KIAA1958: variants seen among roughly 807,000 people sequenced by gnomAD.
KIAA1958 encodes the protein uncharacterized protein KIAA1958.
KIAA1958 carries 14 observed loss-of-function variants against 47.2 expected under a neutral mutation model. The ratio of observed to expected loss-of-function variants is 0.30; its 90% CI spans 0.20 to 0.46. The LOEUF is 0.46. Among genes scored for constraint, KIAA1958 ranks in the 20% least tolerant of loss-of-function variants. The pLI is 1.00. For missense variants in KIAA1958, 803 were observed against 909.2 expected (o/e 0.88, Z 1.50); for synonymous variants, 354 against 353.3 (o/e 1.00, Z -0.02).
At chr9:112,591,665 G>T (rs1010801690) in intron 2 of KIAA1958, among the ~76,000 whole-genome samples, 1 of 151,824 alleles carries the variant, frequency 6.6e-6, no homozygotes, top group African/African-American at 2.4e-5. Flanking sequence ...TTCTGAGATT[G>T]GAGGATCGCT....
At chr9:112,596,825 TTAA>T (rs1167087634) in intron 2 of KIAA1958, among the ~76,000 whole-genome samples, 1 of 152,224 alleles carries the variant, frequency 6.6e-6, no homozygotes, top group East Asian at 1.9e-4. Context: ...TTCAAATTGA[TTAA>T]TAATACCTTT....
intron 1 of KIAA1958, among the ~76,000 whole-genome samples, chr9:112,503,901 G>A (rs1312714827): frequency 7.0e-6 from 1 of 143,042 alleles, no homozygotes; most frequent in African/African-American, 2.6e-5. Flanking sequence ...AATGCTAACA[G>A]TGTTAATGTG....
intron 1 of KIAA1958, among the ~76,000 whole-genome samples, chr9:112,540,397 TG>T (rs1338615654): frequency 6.6e-6 from 1 of 152,276 alleles, no homozygotes; most frequent in East Asian, 1.9e-4. Context: ...CACATATAGA[TG>T]GATAGATAAA....
chr9:112,527,619 G>A lies in KIAA1958; in HGVS notation c.-25+40501G>A, dbSNP rs145018032. On this transcript the variant is annotated intron_variant, in intron 1 of 3. Transcript: ENST00000337530. ...GTGCTGGGGGGAATTGTTTGAAGGG[G>A]TCAAGCGGTAAAATGGAAAAATGAG... Among the ~76,000 whole-genome samples the A allele has an allele frequency of 7.8e-4, 118 of 152,128 alleles. 1 individual carries two copies. The highest frequency in any genetic ancestry group is 6.0e-3 in the East Asian group (31 of 5,174).
intron 1 of KIAA1958, among the ~76,000 whole-genome samples, chr9:112,570,806 GCTGT>G (rs1267221843): frequency 5.9e-5 from 9 of 152,152 alleles, no homozygotes; most frequent in Admixed American, 5.9e-4. Flanking sequence ...CTTACAACAG[GCTGT>G]CTGCTAGCTG....
chr9:112,637,097 C>G (rs1402581952), intron 2 of KIAA1958, among the ~76,000 whole-genome samples: 1 of 152,252 alleles, frequency 6.6e-6, no homozygotes, highest in South Asian at 2.1e-4. Context: ...AATGCAAGAA[C>G]TTTTCAAAAC....
At chr9:112,576,671 G>A (rs1341207558) in intron 2 of KIAA1958, among the ~76,000 whole-genome samples, 2 of 152,086 alleles carry the variant, frequency 1.3e-5, no homozygotes, top group South Asian at 2.1e-4. Context: ...ATGTTGTAGC[G>A]TTTCTTTCCT....
chr9:112,549,382 C>A, intron 1 of KIAA1958, among the ~76,000 whole-genome samples: 1 of 152,146 alleles, frequency 6.6e-6, no homozygotes, highest in East Asian at 1.9e-4. Context: ...TTGCTACTTC[C>A]CTTAGCCTAT....
At chr9:112,641,198 G>A (rs905395516) in intron 2 of KIAA1958, among the ~76,000 whole-genome samples, 2 of 152,068 alleles carry the variant, frequency 1.3e-5, no homozygotes, top group Admixed American at 1.3e-4. Context: ...TAGGGTGGGT[G>A]CTTGGATGCT....
chr9:112,561,200 A>G (rs368633013), intron 1 of KIAA1958, among the ~76,000 whole-genome samples: 1 of 151,596 alleles, frequency 6.6e-6, no homozygotes. Flanking sequence ...GACTACAGGC[A>G]CCCACCACCA....
At position 112,664,264 on chromosome 9, in the gene KIAA1958, C is replaced by T. The variant is rs1229035653; in HGVS notation, c.*4195C>T. ...ACAACTTCTAAAATTATTTTGCTAT[C>T]TCGAAGCAGCAGAATATTGATCATT... is the stretch of plus-strand genomic sequence containing the variant. On this transcript the variant is annotated 3_prime_UTR_variant, in exon 4 of 4. Transcript: ENST00000337530. The T allele has an allele frequency of 6.6e-6, 1 of 152,212 alleles. No individual in the cohort carries two copies. The highest frequency in any genetic ancestry group is 1.5e-5 in the Non-Finnish European group (1 of 68,038). 9.4% of individuals were successfully genotyped at this position (152,212 alleles called of 1,614,324 possible). A position where few individuals can be genotyped will look rare whatever the true frequency, so the allele number is the denominator to read the frequency against.
chr9:112,597,561 G>T (rs1458197178), intron 2 of KIAA1958, among the ~76,000 whole-genome samples: 1 of 152,136 alleles, frequency 6.6e-6, no homozygotes, highest in African/African-American at 2.4e-5. Context: ...CTTTCCCTGA[G>T]TTTGCTTTAT....
At chr9:112,488,078 G>GCC in intron 1 of KIAA1958, among the ~76,000 whole-genome samples, 1 of 152,120 alleles carries the variant, frequency 6.6e-6, no homozygotes, top group South Asian at 2.1e-4. Flanking sequence ...CAGTCAGGTA[G>GCC]TGACAGCTTC....
At chr9:112,562,533 C>A (rs2131160706) in intron 1 of KIAA1958, among the ~76,000 whole-genome samples, 1 of 152,294 alleles carries the variant, frequency 6.6e-6, no homozygotes, top group South Asian at 2.1e-4. Context: ...TAGGGCAGGG[C>A]AGTTGAGATT....
intron 1 of KIAA1958, among the ~76,000 whole-genome samples, chr9:112,516,820 G>A (rs944050955): frequency 2.9e-4 from 44 of 152,294 alleles, no homozygotes; most frequent in Admixed American, 2.2e-3. Flanking sequence ...TTTACCAATT[G>A]GGCAGTACCT....
chr9:112,626,833 A>C (rs1186938901), intron 2 of KIAA1958, among the ~76,000 whole-genome samples: 2 of 151,908 alleles, frequency 1.3e-5, no homozygotes, highest in East Asian at 3.8e-4. Flanking sequence ...CAAAAAAAAA[A>C]AAACACCTTG....
At chr9:112,567,185 A>G (rs1588020894) in intron 1 of KIAA1958, among the ~76,000 whole-genome samples, 1 of 152,198 alleles carries the variant, frequency 6.6e-6, no homozygotes, top group Non-Finnish European at 1.5e-5. Flanking sequence ...GAGTTCAGCT[A>G]TATATAACAA....
chr9:112,531,772 G>T (rs575054050), intron 1 of KIAA1958, among the ~76,000 whole-genome samples: 2 of 152,066 alleles, frequency 1.3e-5, no homozygotes, highest in Admixed American at 6.5e-5. Flanking sequence ...ATCTTATTTC[G>T]TATTTTAAAA....
chr9:112,635,920 A>G (rs910558399), intron 2 of KIAA1958, among the ~76,000 whole-genome samples: 4 of 151,616 alleles, frequency 2.6e-5, no homozygotes, highest in African/African-American at 9.7e-5. Flanking sequence ...TTGTTCTTCT[A>G]AATTTCTTGG....
Sources: allele counts gnomAD v4.1 joint callset (sites outside exome capture counted in the v4.1 genomes callset), GRCh38; gene constraint gnomAD v4.1.1; transcripts MANE v1.5; gene names NCBI Gene and HGNC (gene_info 2026-07-23, HGNC 2026-07-21).